DLGAP2: variants seen among roughly 807,000 people sequenced by gnomAD.
DLGAP2 encodes the protein DLG associated protein 2.
In DLGAP2, 26 loss-of-function variants were observed where a neutral mutation model predicts 100.3. That is an observed-to-expected ratio of 0.26 (90% CI 0.19 to 0.36). The LOEUF (loss-of-function observed/expected upper bound fraction) is 0.36, where lower values mean the gene tolerates loss of function less well. Among genes scored for constraint, DLGAP2 ranks in the 10% least tolerant of loss-of-function variants. The probability of loss-of-function intolerance (pLI) is 1.00; values close to 1 mark genes in which losing one functional copy is unlikely to be tolerated. For synonymous variants in DLGAP2, 886 were observed against 630.1 expected (o/e 1.41, Z -6.08); for missense variants, 1,858 against 1,453.2 (o/e 1.28, Z -4.53).
chr8:1,428,785 G>C (rs1311424401), intron 3 of DLGAP2, among the ~76,000 whole-genome samples: 1 of 152,196 alleles, frequency 6.6e-6, no homozygotes, highest in East Asian at 1.9e-4. Flanking sequence ...GCTCATATCA[G>C]TGCATGTGCT....
intron 8 of DLGAP2, among the ~76,000 whole-genome samples, chr8:1,667,731 G>C (rs1158622848): frequency 6.6e-6 from 1 of 152,186 alleles, no homozygotes; most frequent in Non-Finnish European, 1.5e-5. Context: ...CCTATGCATA[G>C]TTTAGCATCC....
intron 3 of DLGAP2, among the ~76,000 whole-genome samples, chr8:1,305,341 C>G (rs970546731): frequency 6.6e-6 from 1 of 152,188 alleles, no homozygotes; most frequent in Non-Finnish European, 1.5e-5. Flanking sequence ...GCTACTGAAG[C>G]TATGATCTTC....
At position 1,523,314 on chromosome 8, in the gene DLGAP2, G is replaced by A. The variant is rs188387482; in HGVS notation, c.172+21883G>A. On this transcript the variant is annotated intron_variant, in intron 4 of 14. Transcript: ENST00000637795. ...TGGGGATGGAAGGACCAAGACACAC[G>A]ACAGAGAACAGCGTCACGGGGTCAC... Among the ~76,000 whole-genome samples the A allele has an allele frequency of 1.9e-3, 282 of 152,350 alleles. 1 individual carries two copies. The highest frequency in any genetic ancestry group is 6.4e-3 in the African/African-American group (268 of 41,588).
chr8:1,026,379 G>T (rs947827388), intron 2 of DLGAP2, among the ~76,000 whole-genome samples: 13 of 152,174 alleles, frequency 8.5e-5, no homozygotes, highest in Non-Finnish European at 1.8e-4. Flanking sequence ...CACGGTTGGT[G>T]TTGTACTGTC....
At chr8:1,156,172 C>G (rs142431763) in intron 2 of DLGAP2, among the ~76,000 whole-genome samples, 124 of 152,290 alleles carry the variant, frequency 8.1e-4, no homozygotes, top group Non-Finnish European at 1.5e-3. Context: ...GTGTGAATCA[C>G]CGGGGCTGCA....
intron 2 of DLGAP2, among the ~76,000 whole-genome samples, chr8:1,251,388 G>T (rs1196617452): frequency 1.3e-5 from 2 of 152,204 alleles, no homozygotes; most frequent in African/African-American, 2.4e-5. Flanking sequence ...GTTTTTTAAT[G>T]TTGGAGTTTT....
At position 1,654,661 on chromosome 8, in the gene DLGAP2, C is replaced by CAAA. The variant is rs763257486; in HGVS notation, c.1811-13652_1811-13650dup. Among the ~76,000 whole-genome samples, 723 of 92,560 alleles carry CAAA rather than the reference C, an allele frequency of 7.8e-3. 6 individuals carry two copies. Among genetic ancestry groups the CAAA allele is most frequent in the African/African-American group, 0.025 (560 of 22,180 alleles). 60.7% of individuals were successfully genotyped at this position (92,560 alleles called of 152,430 possible). On this transcript the variant is annotated intron_variant, in intron 8 of 14. Transcript: ENST00000637795. ...GGGTGACAAGAGTGAAACTCCGTCTCAAAAAAAAAAAAAAAAAAGAATTGG... is the reference window on the plus strand; with the variant it reads ...GGGTGACAAGAGTGAAACTCCGTCTCAAAAAAAAAAAAAAAAAAAAAGAATTGG...
chr8:892,262 C>A (rs996026221), intron 1 of DLGAP2, among the ~76,000 whole-genome samples: 6 of 152,200 alleles, frequency 3.9e-5, no homozygotes, highest in Non-Finnish European at 7.3e-5. Flanking sequence ...AGGCTCATAG[C>A]GGCTTGTGCA....
At chr8:1,015,115 A>T (rs865999519) in intron 2 of DLGAP2, among the ~76,000 whole-genome samples, 453 of 3,734 alleles carry the variant, frequency 0.12, 23 homozygotes, top group African/African-American at 0.16. Context: ...CCACTGTGTG[A>T]GACCAGGACA....
At chr8:1,482,014 G>T (rs900787887) in intron 3 of DLGAP2, among the ~76,000 whole-genome samples, 11 of 152,226 alleles carry the variant, frequency 7.2e-5, no homozygotes, top group Non-Finnish European at 1.3e-4. Context: ...AACCAGGTCT[G>T]TGTTCCTCGG....
intron 2 of DLGAP2, among the ~76,000 whole-genome samples, chr8:1,037,350 G>A (rs554246246): frequency 6.6e-6 from 1 of 152,178 alleles, no homozygotes; most frequent in East Asian, 1.9e-4. Flanking sequence ...CGCCCCTTCA[G>A]TAGAATCTGC....
chr8:1,489,321 C>T (rs933537578), intron 3 of DLGAP2, among the ~76,000 whole-genome samples: 1 of 152,188 alleles, frequency 6.6e-6, no homozygotes, highest in Non-Finnish European at 1.5e-5. Flanking sequence ...AGGCACCATG[C>T]GTGGATGGCA....
At position 1,193,391 on chromosome 8, in the gene DLGAP2, T is replaced by A. The variant is rs765255005; in HGVS notation, c.74-65460T>A. 1.7e-4 allele frequency among the ~76,000 whole-genome samples: 26 copies of A among 152,162 alleles called. 1 individual carries two copies. Among genetic ancestry groups the A allele is most frequent in the Non-Finnish European group, 2.6e-4 (18 of 68,022 alleles). ...TAACTGGTCTGAGATGGTATCTCAT[T>A]GTGGTTTTGATTTGCATTTGTCTGA... is the stretch of plus-strand genomic sequence containing the variant. On this transcript the variant is annotated intron_variant, in intron 2 of 14. Transcript: ENST00000637795.
chr8:934,703 G>A (rs1174347984), intron 2 of DLGAP2, among the ~76,000 whole-genome samples: 1 of 152,066 alleles, frequency 6.6e-6, no homozygotes, highest in Non-Finnish European at 1.5e-5. Context: ...TCATGCTCAT[G>A]AGCTCAGGGA....
chr8:910,883 G>A (rs550625053), intron 2 of DLGAP2, among the ~76,000 whole-genome samples: 2 of 152,052 alleles, frequency 1.3e-5, no homozygotes, highest in Non-Finnish European at 2.9e-5. Flanking sequence ...GGCCTTGGGC[G>A]CGGTGTCCTG....
chr8:1,515,011 A>G (rs188137598), intron 4 of DLGAP2, among the ~76,000 whole-genome samples: 1 of 151,530 alleles, frequency 6.6e-6, no homozygotes, highest in South Asian at 2.1e-4. Flanking sequence ...GGAGACCGAC[A>G]TGGAGGGAGA....
chr8:1,640,465 G>C (rs932279554), intron 8 of DLGAP2, among the ~76,000 whole-genome samples: 1 of 152,182 alleles, frequency 6.6e-6, no homozygotes, highest in Non-Finnish European at 1.5e-5. Flanking sequence ...GAGTCGGTCC[G>C]AGATGTCCCA....
intron 3 of DLGAP2, among the ~76,000 whole-genome samples, chr8:1,294,888 CT>C (rs59102231): frequency 4.8e-5 from 7 of 145,162 alleles, no homozygotes; most frequent in East Asian, 2.1e-4. Flanking sequence ...AAAAACAAAA[CT>C]TTTTTTTTTA....
At chr8:990,321 C>T (rs1363702702) in intron 2 of DLGAP2, among the ~76,000 whole-genome samples, 4 of 143,704 alleles carry the variant, frequency 2.8e-5, no homozygotes. Context: ...ACCCCCTGCA[C>T]CCCCATACTC....
Sources: allele counts gnomAD v4.1 joint callset (sites outside exome capture counted in the v4.1 genomes callset), GRCh38; gene constraint gnomAD v4.1.1; transcripts MANE v1.5; gene names NCBI Gene and HGNC (gene_info 2026-07-23, HGNC 2026-07-21).